Variants in IMMP2L observed in about 807,000 individuals in gnomAD.
The protein encoded by IMMP2L is mitochondrial inner membrane protease subunit 2.
Under a neutral mutation model 19.3 loss-of-function variants are expected in IMMP2L, and 18 were observed. That is an observed-to-expected ratio of 0.93 (90% CI 0.64 to 1.38). The LOEUF is 1.38. Ranked by LOEUF, IMMP2L falls within the 40% of genes most tolerant of loss-of-function variation. The pLI is 0.00. For synonymous variants in IMMP2L, 76 were observed against 73.0 expected (o/e 1.04, Z -0.21); for missense variants, 233 against 218.2 (o/e 1.07, Z -0.43).
chr7:111,399,390 CTCTT>C (rs1186206689), intron 3 of IMMP2L, among the ~76,000 whole-genome samples: 6 of 152,016 alleles, frequency 3.9e-5, no homozygotes, highest in Non-Finnish European at 8.8e-5. Flanking sequence ...GACCCAGTAT[CTCTT>C]TCTGTTGCCC....
At chr7:111,440,952 G>C (rs1837650600) in intron 3 of IMMP2L, among the ~76,000 whole-genome samples, 1 of 151,818 alleles carries the variant, frequency 6.6e-6, no homozygotes, top group Non-Finnish European at 1.5e-5. Flanking sequence ...CTTTCCTTAA[G>C]CCTCATGAAC....
chr7:111,123,497 C>G lies in IMMP2L; in HGVS notation c.240-159932G>C. ...GGACTGGAAAACTTAGAAAGCATCT[C>G]TTTTTACGATAACAGGCTTATTAAA... On this transcript the variant is annotated intron_variant, in intron 3 of 5. Coordinates refer to ENST00000405709, the MANE Select transcript of IMMP2L (RefSeq NM_032549.4). This position sits in a 1 kb window ranked among gnomAD's most constrained non-coding sequence, Gnocchi z 6.4. The G allele has an allele frequency of 6.2e-7, 1 of 1,613,836 alleles. No individual in the cohort carries two copies. The highest frequency in any genetic ancestry group is 1.7e-5 in the Admixed American group (1 of 59,934).
chr7:111,139,585 T>C (rs1802674334), intron 3 of IMMP2L, among the ~76,000 whole-genome samples: 1 of 152,076 alleles, frequency 6.6e-6, no homozygotes, highest in South Asian at 2.1e-4. Flanking sequence ...TTTGGGAAAA[T>C]TACAGATAGT....
intron 3 of IMMP2L, among the ~76,000 whole-genome samples, chr7:111,034,582 C>G (rs1791149046): frequency 6.6e-6 from 1 of 151,956 alleles, no homozygotes; most frequent in South Asian, 2.1e-4. Context: ...CCATCTATGC[C>G]TAGGGAAAGG....
chr7:110,995,111 T>A (rs1822891813), intron 3 of IMMP2L, among the ~76,000 whole-genome samples: 2 of 152,008 alleles, frequency 1.3e-5, no homozygotes, highest in Non-Finnish European at 2.9e-5. Flanking sequence ...TGAATATTAG[T>A]CATTTGTTCA....
At position 110,730,140 on chromosome 7, in the gene IMMP2L, T is replaced by C. The variant is rs538345406; in HGVS notation, c.409-66419A>G. On this transcript the variant is annotated intron_variant, in intron 5 of 5. Coordinates refer to ENST00000405709, the MANE Select transcript of IMMP2L (RefSeq NM_032549.4). Reference sequence around the variant, plus strand: ...AATATCCAGTGTCAACTTGATTGGATTGAAGGATGCAAATTATTGTTCCTG... The same window carrying C: ...AATATCCAGTGTCAACTTGATTGGACTGAAGGATGCAAATTATTGTTCCTG... Among the ~76,000 whole-genome samples, 5 of 152,190 alleles carry C rather than the reference T, an allele frequency of 3.3e-5. No individual in the cohort carries two copies. The East Asian group carries it at 5.8e-4, about 18-fold the overall frequency.
At chr7:111,075,374 C>T (rs1471016110) in intron 3 of IMMP2L, among the ~76,000 whole-genome samples, 1 of 152,014 alleles carries the variant, frequency 6.6e-6, no homozygotes, top group African/African-American at 2.4e-5. Context: ...CTGATCCAAC[C>T]GCCTTGGCCT....
In IMMP2L at chr7:111,107,485, C is replaced by T. The variant is rs115960939; in HGVS notation, c.240-143920G>A. On this transcript the variant is annotated intron_variant, in intron 3 of 5. Coordinates refer to ENST00000405709, the MANE Select transcript of IMMP2L (RefSeq NM_032549.4). ...TTGTATACTTATATTAAAGCCATTT[C>T]TGTTCATTAAAAACTCAATATAAGC... Among the ~76,000 whole-genome samples the T allele has an allele frequency of 1.9e-3, 290 of 152,050 alleles. 2 individuals are homozygous for T. The highest frequency in any genetic ancestry group is 6.6e-3 in the African/African-American group (274 of 41,514).
chr7:111,153,348 T>C (rs1267883437), intron 3 of IMMP2L, among the ~76,000 whole-genome samples: 1 of 152,118 alleles, frequency 6.6e-6, no homozygotes, highest in Non-Finnish European at 1.5e-5. Context: ...ATAAACACTA[T>C]GCTACCACAT....
At chr7:111,472,606 C>T (rs2132119321) in intron 3 of IMMP2L, among the ~76,000 whole-genome samples, 1 of 152,214 alleles carries the variant, frequency 6.6e-6, no homozygotes, top group Non-Finnish European at 1.5e-5. Context: ...ACTCCAACAA[C>T]TATAAATGTA....
chr7:110,837,605 G>A (rs1218283902), intron 5 of IMMP2L, among the ~76,000 whole-genome samples: 1 of 151,992 alleles, frequency 6.6e-6, no homozygotes, highest in Non-Finnish European at 1.5e-5. Flanking sequence ...TAGAGAGAAT[G>A]AATTACTATT....
intron 2 of IMMP2L, among the ~76,000 whole-genome samples, chr7:111,511,115 C>T (rs1412514762): frequency 6.6e-6 from 1 of 152,058 alleles, no homozygotes; most frequent in South Asian, 2.1e-4. Context: ...AAAAACAGGA[C>T]AAGAAATCAT....
intron 3 of IMMP2L, among the ~76,000 whole-genome samples, chr7:111,096,508 TAA>T (rs5886589): frequency 4.1e-5 from 6 of 144,774 alleles, no homozygotes; most frequent in African/African-American, 1.3e-4. Flanking sequence ...GAGTTAAATT[TAA>T]AAAAAAAAAA....
At chr7:110,817,686 A>G (rs560267741) in intron 5 of IMMP2L, among the ~76,000 whole-genome samples, 55 of 152,162 alleles carry the variant, frequency 3.6e-4, no homozygotes, top group Middle Eastern at 3.4e-3. Flanking sequence ...CAAAGCCGGA[A>G]GCATCATGCT....
At chr7:110,679,237 T>C (rs1008487634) in intron 5 of IMMP2L, among the ~76,000 whole-genome samples, 2 of 152,180 alleles carry the variant, frequency 1.3e-5, no homozygotes, top group African/African-American at 4.8e-5. Flanking sequence ...TGCACCAGTC[T>C]CTTTACCACA....
intron 5 of IMMP2L, among the ~76,000 whole-genome samples, chr7:110,782,332 T>G (rs1266308166): frequency 6.6e-6 from 1 of 151,794 alleles, no homozygotes; most frequent in Non-Finnish European, 1.5e-5. Context: ...GGGGAAAAAA[T>G]AAACAAACAG....
chr7:111,184,235 G>A (rs941134670), intron 3 of IMMP2L, among the ~76,000 whole-genome samples: 1 of 151,700 alleles, frequency 6.6e-6, no homozygotes, highest in Admixed American at 6.6e-5. Flanking sequence ...GAAATAGGGG[G>A]GAAAATAATG....
chr7:111,045,532 T>C (rs922560709), intron 3 of IMMP2L, among the ~76,000 whole-genome samples: 7 of 152,220 alleles, frequency 4.6e-5, no homozygotes, highest in African/African-American at 1.7e-4. Flanking sequence ...CTCTTTCCCA[T>C]GATATTTGTG....
At position 110,918,706 on chromosome 7, in the gene IMMP2L, G is replaced by A. The variant is rs370326346; in HGVS notation, c.306-32011C>T. On this transcript the variant is annotated intron_variant, in intron 4 of 5. Coordinates refer to ENST00000405709, the MANE Select transcript of IMMP2L (RefSeq NM_032549.4). ...CCTGACCTCATGATCTGCCCACCTC[G>A]CCCTCTCAAAGTGCTGAGATTAAAG... 9.5e-3 allele frequency among the ~76,000 whole-genome samples: 1,450 copies of A among 151,866 alleles called. 15 individuals carry two copies. Among genetic ancestry groups the A allele is most frequent in the Admixed American group, 0.018 (276 of 15,232 alleles).
Sources: gnomAD v4.1 joint callset for allele counts (sites outside exome capture counted in the v4.1 genomes callset) on GRCh38, gnomAD v4.1.1 for gene constraint, Gnocchi (gnomAD v3.1) non-coding constraint, MANE v1.5 for transcripts, NCBI Gene and HGNC (gene_info 2026-07-23, HGNC 2026-07-21) for gene names.